The following PODXL2 variants were observed in gnomAD, a reference collection of about 807,000 sequenced individuals.
The protein encoded by PODXL2 is podocalyxin-like protein 2.
A neutral mutation model predicts 53.4 loss-of-function variants in PODXL2; 17 were observed. That is an observed-to-expected ratio of 0.32 (90% CI 0.22 to 0.48). The LOEUF is 0.48. PODXL2 is among the 20% of genes least tolerant of loss of function. PODXL2 has a pLI of 0.99. For missense variants in PODXL2, 673 were observed against 760.0 expected, an observed-to-expected ratio of 0.89 and a Z score of 1.35; for synonymous variants, 311 against 306.7, an observed-to-expected ratio of 1.01 and a Z score of -0.15.
Position 127,639,404 on chromosome 3 carries a change from C to G in PODXL2, c.230C>G (p.Pro77Arg), listed in dbSNP as rs376308988. ...GGCCTGGGAGCTGGGCTGGGAGCCCCTGGCTCAGGCTTCCCCAGCGAAGAG... is the reference window on the plus strand; with the variant it reads ...GGCCTGGGAGCTGGGCTGGGAGCCCGTGGCTCAGGCTTCCCCAGCGAAGAG... The part of the protein sequence containing the change: ...TMGLGAGLGA[P>R]GSGFPSEENE... The change falls in exon 2 of 8, where the codon CCT becomes CGT. Residue 77 changes from proline to arginine, a missense_variant. Pro to Arg is a moderately radical substitution (Grantham distance 103). Around this residue, in one of 3 missense-constraint regions of PODXL2, gnomAD observed 588 missense variants for 668.3 expected, o/e 0.88. Coordinates refer to ENST00000342480, the MANE Select transcript of PODXL2 (RefSeq NM_015720.4). 17 of 1,614,150 alleles carry G rather than the reference C, an allele frequency of 1.1e-5. No homozygotes were observed. Among genetic ancestry groups the G allele is most frequent in the Non-Finnish European group, 1.4e-5 (16 of 1,180,046 alleles).
chr3:127,660,717 C>T lies in PODXL2; in HGVS notation c.689C>T (p.Ser230Leu), dbSNP rs759498460. The T allele has an allele frequency of 8.2e-5, 133 of 1,614,038 alleles. No individual in the cohort carries two copies. Among genetic ancestry groups the T allele is most frequent in the Middle Eastern group, 4.9e-4 (3 of 6,084 alleles). ...SRHEDSGDQA[S>L]SGVEVESSMG... ...CATGAAGACTCCGGGGACCAGGCCT[C>T]ATCAGGTGTGGAGGTGGAGAGCAGC... is the stretch of plus-strand genomic sequence containing the variant. The change falls in exon 3 of 8, where the codon TCA (serine) becomes TTA (leucine). Residue 230 changes from serine (S) to leucine (L), a missense_variant. Physicochemically the swap from Ser to Leu is moderately radical, Grantham distance 145 (BLOSUM62 -2). Around this residue, in one of 3 missense-constraint regions of PODXL2, gnomAD observed 588 missense variants for 668.3 expected, o/e 0.88. Transcript: ENST00000342480.
chr3:127,650,081 A>G (rs2074679055), intron 2 of PODXL2, among the ~76,000 whole-genome samples: 1 of 152,200 alleles, frequency 6.6e-6, no homozygotes, highest in Non-Finnish European at 1.5e-5. Context: ...GACAATTTTC[A>G]GTGACTTGAC....
At chr3:127,672,147 A>T (rs749524092) in intron 7 of PODXL2, 121 bp from the exon 8 acceptor site, 2 of 683,810 alleles carry the variant, frequency 2.9e-6, no homozygotes, top group African/African-American at 3.6e-5. Context: ...GAAAAGAAGG[A>T]TCTGGCACCT....
chr3:127,641,715 C>A (rs1359029788), intron 2 of PODXL2, among the ~76,000 whole-genome samples: 2 of 151,486 alleles, frequency 1.3e-5, no homozygotes, highest in Non-Finnish European at 1.5e-5. Flanking sequence ...AGGGTTTCTC[C>A]ATGTTGGTCA....
intron 1 of PODXL2, among the ~76,000 whole-genome samples, chr3:127,632,716 C>G (rs919314774): frequency 2.0e-5 from 3 of 152,204 alleles, no homozygotes; most frequent in African/African-American, 7.2e-5. Context: ...CCCTAAAGAA[C>G]TTAGGGTTCC....
rs112915356 is a variant in PODXL2, at chr3:127,662,403, G to A, written c.1206+92G>A. The A allele has an allele frequency of 2.2e-3, 2,037 of 919,592 alleles. 26 individuals are homozygous for A. The highest frequency in any genetic ancestry group is 0.015 in the South Asian group (987 of 67,046). The allele number at this position is 919,592 out of a possible 1,614,324, so 57.0% of individuals were successfully genotyped here. A position where few individuals can be genotyped will look rare whatever the true frequency, so the allele number is the denominator to read the frequency against. Reference sequence around the variant, plus strand: ...GGCAGGCTGGGGGGACAAGCAGTGCGTGGGAGAAGGCTTAGTCCTTCAGTT... The same window carrying A: ...GGCAGGCTGGGGGGACAAGCAGTGCATGGGAGAAGGCTTAGTCCTTCAGTT... On this transcript the variant is annotated intron_variant, in intron 4 of 7. Transcript: ENST00000342480.
intron 2 of PODXL2, among the ~76,000 whole-genome samples, chr3:127,653,190 C>G (rs1043496807): frequency 5.3e-5 from 8 of 152,230 alleles, no homozygotes; most frequent in African/African-American, 1.9e-4. Context: ...GGGAAAAGCA[C>G]CTTCCTCCCT....
chr3:127,635,283 G>C (rs998374145), intron 1 of PODXL2, among the ~76,000 whole-genome samples: 1 of 152,202 alleles, frequency 6.6e-6, no homozygotes, highest in African/African-American at 2.4e-5. Context: ...AGAGTTATAT[G>C]GTCACTGTTA....
chr3:127,660,426 C>T lies in PODXL2; in HGVS notation c.398C>T (p.Thr133Ile). ...LTEKAGSIED[T>I]SQAQELPNLP... ...GAGAAGGCAGGTTCCATTGAAGACACCAGCCAGGCTCAAGAGCTGCCAAAC... is the reference window on the plus strand; with the variant it reads ...GAGAAGGCAGGTTCCATTGAAGACATCAGCCAGGCTCAAGAGCTGCCAAAC... The change falls in exon 3 of 8, where the codon ACC becomes ATC. Residue 133 changes from threonine to isoleucine, a missense_variant. This residue lies in a region of PODXL2 where 588 missense variants were observed against 668.3 expected (regional missense o/e 0.88). Coordinates refer to ENST00000342480, the MANE Select transcript of PODXL2 (RefSeq NM_015720.4). 4 of 1,614,038 alleles carry T rather than the reference C, an allele frequency of 2.5e-6. No individual in the cohort carries two copies. Among genetic ancestry groups the T allele is most frequent in the South Asian group, 2.2e-5 (2 of 91,074 alleles).
chr3:127,661,555 GC>G (rs905933093), intron 3 of PODXL2, among the ~76,000 whole-genome samples: 2 of 151,910 alleles, frequency 1.3e-5, no homozygotes, highest in Non-Finnish European at 2.9e-5. Flanking sequence ...TCATACCTCA[GC>G]CCCCTGAGTA....
At chr3:127,641,359 C>T (rs2074618707) in intron 2 of PODXL2, among the ~76,000 whole-genome samples, 1 of 151,314 alleles carries the variant, frequency 6.6e-6, no homozygotes, top group Non-Finnish European at 1.5e-5. Flanking sequence ...AAAAATGTGC[C>T]ACCATGCCTG....
At chr3:127,665,895 G>C (rs1224788584) in intron 4 of PODXL2, 4 of 454,130 alleles carry the variant, frequency 8.8e-6, no homozygotes, top group Admixed American at 2.4e-5. Flanking sequence ...TTTCTGCAAG[G>C]AGTCCTGCTT....
Position 127,656,734 on chromosome 3 carries a change from CAAAAAAAA to C in PODXL2, c.350-3625_350-3618del, listed in dbSNP as rs71150487. 5.3e-4 allele frequency among the ~76,000 whole-genome samples: 15 copies of C among 28,116 alleles called. No homozygotes were observed. The East Asian group carries it at 9.8e-3, about 18-fold the overall frequency. The allele number at this position is 28,116 out of a possible 152,430, so 18.4% of individuals were successfully genotyped here. On this transcript the variant is annotated intron_variant, in intron 2 of 7. Transcript: ENST00000342480. The stretch of plus-strand genomic sequence containing the variant: ...TGGGTGACAGAGCAAGACTCCATCT[CAAAAAAAA>C]AAAAAAAAAAAAAAAAAATAGCTAG...
At chr3:127,652,166 T>A (rs953765260) in intron 2 of PODXL2, among the ~76,000 whole-genome samples, 14 of 152,186 alleles carry the variant, frequency 9.2e-5, no homozygotes, top group Admixed American at 3.3e-4. Context: ...CTGTGACAAG[T>A]CTAGCATCAC....
In PODXL2 at chr3:127,646,988, G is replaced by A. The variant is rs567581787; in HGVS notation, c.349+7465G>A. 3.9e-5 allele frequency among the ~76,000 whole-genome samples: 6 copies of A among 152,294 alleles called. No individual in the cohort carries two copies. In the South Asian group the frequency reaches 1.0e-3, roughly 26 times the overall value. Reference sequence around the variant, plus strand: ...CCCATTTCTAGTGTGTTGGGCCTCAGGTAGAGCTGATGCCTTCCTTCTCCA... The same window carrying A: ...CCCATTTCTAGTGTGTTGGGCCTCAAGTAGAGCTGATGCCTTCCTTCTCCA... On this transcript the variant is annotated intron_variant, in intron 2 of 7. Transcript: ENST00000342480.
At chr3:127,655,999 C>G (rs1413235165) in intron 2 of PODXL2, among the ~76,000 whole-genome samples, 1 of 152,252 alleles carries the variant, frequency 6.6e-6, no homozygotes, top group Non-Finnish European at 1.5e-5. Flanking sequence ...CTTGGAGGCA[C>G]AGGCCCTGGT....
chr3:127,657,080 G>C (rs1400812279), intron 2 of PODXL2, among the ~76,000 whole-genome samples: 4 of 152,144 alleles, frequency 2.6e-5, no homozygotes, highest in African/African-American at 9.7e-5. Context: ...AAGTTGGAGG[G>C]ACTTACCACT....
Position 127,629,305 on chromosome 3 carries a change from G to T in PODXL2, c.70+16G>T, listed in dbSNP as rs2074525604. The T allele has an allele frequency of 1.1e-5, 11 of 1,016,682 alleles. No individual in the cohort carries two copies. The highest frequency in any genetic ancestry group is 1.3e-5 in the Non-Finnish European group (11 of 850,556). The allele number at this position is 1,016,682 out of a possible 1,614,324, so 63.0% of individuals were successfully genotyped here. ...CTGGTTGGGGGTGAGTGCGCTCCGG[G>T]CCCGAGCGCGGGAGGGCGGGCGGCG... On this transcript the variant is annotated intron_variant, in intron 1 of 7. Transcript: ENST00000342480. This position sits in a 1 kb window ranked among gnomAD's most constrained non-coding sequence, Gnocchi z 6.4.
chr3:127,636,794 G>A (rs1041311555), intron 1 of PODXL2, among the ~76,000 whole-genome samples: 2 of 152,140 alleles, frequency 1.3e-5, no homozygotes, highest in African/African-American at 2.4e-5. Flanking sequence ...ACCTGCCCAG[G>A]GTCACAGCTT....
Sources: gnomAD v4.1 joint callset for allele counts (sites outside exome capture counted in the v4.1 genomes callset) on GRCh38, gnomAD v4.1.1 for gene constraint, gnomAD v4.1.1 regional missense constraint, Gnocchi (gnomAD v3.1) non-coding constraint, MANE v1.5 for transcripts, NCBI Gene and HGNC (gene_info 2026-07-23, HGNC 2026-07-21) for gene names.